Variants in SETX observed in about 807,000 individuals in gnomAD.
SETX encodes the protein helicase senataxin.
A neutral mutation model predicts 227.2 loss-of-function variants in SETX; 90 were observed. That is an observed-to-expected ratio of 0.40 (90% CI 0.33 to 0.47). The LOEUF is 0.47. SETX is among the 20% of genes least tolerant of loss of function. The pLI, the probability that SETX is intolerant of heterozygous loss-of-function variation, is 0.91. For synonymous variants in SETX, 1,210 were observed against 1,113.2 expected, an observed-to-expected ratio of 1.09 and a Z score of -1.73; for missense variants, 3,052 against 3,181.5, an observed-to-expected ratio of 0.96 and a Z score of 0.98.
chr9:132,328,646 T>C lies in SETX; in HGVS notation c.2952A>G (p.Ser984=), dbSNP rs1847014422. 3 of 1,613,318 alleles carry C rather than the reference T, an allele frequency of 1.9e-6. No homozygotes were observed. The highest frequency in any genetic ancestry group is 4.5e-5 in the East Asian group (2 of 44,870). Residue 984 remains serine (S), a synonymous_variant, in exon 10 of 26, where the codon TCA becomes TCG. Transcript: ENST00000224140. The part of the protein sequence containing the change: ...ITFPSDSPQN[S]SQLQRKVKED... ...CTTTTACTTTCCTTTGCAGCTGCGATGAGTTCTGAGGTGAATCGGATGGGA... is the reference window on the plus strand; with the variant it reads ...CTTTTACTTTCCTTTGCAGCTGCGACGAGTTCTGAGGTGAATCGGATGGGA...
chr9:132,315,593 T>G (rs1015977018), intron 10 of SETX, among the ~76,000 whole-genome samples: 1 of 152,190 alleles, frequency 6.6e-6, no homozygotes, highest in Non-Finnish European at 1.5e-5. Context: ...TTCAGCTTAG[T>G]GCCCCCTTTT....
At chr9:132,311,218 C>T (rs559419419) in intron 11 of SETX, among the ~76,000 whole-genome samples, 1 of 152,262 alleles carries the variant, frequency 6.6e-6, no homozygotes, top group East Asian at 1.9e-4. Context: ...CCGCCCGCCT[C>T]GGCCTCCCAA....
intron 10 of SETX, among the ~76,000 whole-genome samples, chr9:132,323,425 T>C (rs569638391): frequency 6.6e-6 from 1 of 152,304 alleles, no homozygotes; most frequent in South Asian, 2.1e-4. Flanking sequence ...AAGATATCTT[T>C]CACATAGTCA....
intron 5 of SETX, among the ~76,000 whole-genome samples, chr9:132,341,084 C>CGTGA (rs1471303570): frequency 1.3e-5 from 2 of 152,110 alleles, no homozygotes; most frequent in Admixed American, 1.3e-4. Context: ...TGGTGGCTCA[C>CGTGA]ACCTGTTATC....
At chr9:132,276,512 C>T (rs1485229363) in intron 22 of SETX, among the ~76,000 whole-genome samples, 1 of 152,180 alleles carries the variant, frequency 6.6e-6, no homozygotes, top group Non-Finnish European at 1.5e-5. Context: ...TGTATCCGTG[C>T]CAACAAATGC....
At chr9:132,312,429 T>TA (rs1392796578) in intron 10 of SETX, among the ~76,000 whole-genome samples, 1 of 152,218 alleles carries the variant, frequency 6.6e-6, no homozygotes, top group Non-Finnish European at 1.5e-5. Flanking sequence ...ACTACTAGTA[T>TA]AAAAAAGTCA....
At chr9:132,345,680 T>C (rs1017205709) in intron 4 of SETX, among the ~76,000 whole-genome samples, 1 of 152,216 alleles carries the variant, frequency 6.6e-6, no homozygotes, top group Non-Finnish European at 1.5e-5. Flanking sequence ...GTATATCATG[T>C]TCACTGTATA....
intron 18 of SETX, among the ~76,000 whole-genome samples, 160 bp from the exon 19 acceptor site, chr9:132,283,573 A>G (rs1843664100): frequency 6.6e-6 from 1 of 152,278 alleles, no homozygotes; most frequent in Non-Finnish European, 1.5e-5. Flanking sequence ...AGGAAACAGC[A>G]GAAACATTTA....
intron 12 of SETX, among the ~76,000 whole-genome samples, chr9:132,299,053 T>C (rs1010266786): frequency 5.9e-5 from 9 of 152,226 alleles, no homozygotes; most frequent in African/African-American, 2.2e-4. Context: ...TAATGACAGC[T>C]TGGACCAGGA....
intron 7 of SETX, among the ~76,000 whole-genome samples, chr9:132,334,137 G>C (rs1033282267): frequency 1.3e-5 from 2 of 152,092 alleles, no homozygotes; most frequent in African/African-American, 4.8e-5. Context: ...ATGAAAGGAA[G>C]GTATTGAATT....
chr9:132,343,707 T>C (rs555364473), intron 4 of SETX, among the ~76,000 whole-genome samples: 2 of 152,324 alleles, frequency 1.3e-5, no homozygotes, highest in Admixed American at 6.5e-5. Context: ...TCCTAGGATG[T>C]TGATAATGTT....
rs1554803829 is a variant in SETX, at chr9:132,271,771, G to A, written c.7138C>T (p.Arg2380Trp). The change falls in exon 24 of 26, where the codon CGG becomes TGG. Residue 2380 changes from arginine to tryptophan, a missense_variant. Physicochemically the swap from Arg to Trp is moderately radical, Grantham distance 101. Coordinates refer to ENST00000224140, the MANE Select transcript of SETX (RefSeq NM_015046.7). ...GTAACAATAACACAATCCTTCTGCCGACCCTGGAATGCATCCACAGTGTCT... is the reference window on the plus strand; with the variant it reads ...GTAACAATAACACAATCCTTCTGCCAACCCTGGAATGCATCCACAGTGTCT... ...EVDTVDAFQG[R>W]QKDCVIVTCV... 3.1e-6 allele frequency: 5 copies of A among 1,614,016 alleles called. No individual in the cohort carries two copies. The highest frequency in any genetic ancestry group is 1.1e-5 in the South Asian group (1 of 91,082).
chr9:132,275,177 T>A lies in SETX; in HGVS notation c.7100+79A>T, dbSNP rs1308975108. 7 of 1,486,998 alleles carry A rather than the reference T, an allele frequency of 4.7e-6. No homozygotes were observed. The East Asian group carries it at 1.6e-4, about 34-fold the overall frequency. The allele number at this position is 1,486,998 out of a possible 1,614,324, so 92.1% of individuals were successfully genotyped here. On this transcript the variant is annotated intron_variant, in intron 23 of 25. Coordinates refer to ENST00000224140, the MANE Select transcript of SETX (RefSeq NM_015046.7). ...TTTGCACAGACCACTCCTTAAGAGT[T>A]TCCCTTTTCTTCTTTCCTTCTATAT...
At chr9:132,334,357 G>C (rs182795645) in intron 7 of SETX, among the ~76,000 whole-genome samples, 128 of 152,178 alleles carry the variant, frequency 8.4e-4, no homozygotes, top group Non-Finnish European at 1.5e-3. Context: ...CTGAGACAGG[G>C]GAATTTCTTG....
chr9:132,261,772 G>A lies in SETX; in HGVS notation c.*2467C>T, dbSNP rs1371911953. 1 of 154,662 alleles carries A rather than the reference G, an allele frequency of 6.5e-6. No homozygotes were observed. The highest frequency in any genetic ancestry group is 1.9e-4 in the East Asian group (1 of 5,194). 9.6% of individuals were successfully genotyped at this position (154,662 alleles called of 1,614,324 possible). ...AACAAACTGTGCACAATAAATCCAA[G>A]GCAAATTATATACAAAGAAACAAAA... is the stretch of plus-strand genomic sequence containing the variant. On this transcript the variant is annotated 3_prime_UTR_variant, in exon 26 of 26. Transcript: ENST00000224140.
chr9:132,332,874 T>C (rs1288288996), intron 7 of SETX, among the ~76,000 whole-genome samples: 3 of 145,558 alleles, frequency 2.1e-5, no homozygotes, highest in East Asian at 2.0e-4. Flanking sequence ...TGAGACCTGA[T>C]TGAGCCACTC....
chr9:132,349,026 C>G (rs537005438), intron 3 of SETX, among the ~76,000 whole-genome samples: 2 of 151,688 alleles, frequency 1.3e-5, no homozygotes, highest in South Asian at 2.1e-4. Context: ...AGAATATACT[C>G]GAATGTGTAA....
chr9:132,344,902 T>C (rs373845362), intron 4 of SETX, among the ~76,000 whole-genome samples: 1 of 151,006 alleles, frequency 6.6e-6, no homozygotes, highest in Admixed American at 6.6e-5. Context: ...ATTGTTAGAT[T>C]TGATAGGTTA....
Position 132,328,106 on chromosome 9 carries a change from T to A in SETX, c.3492A>T (p.Arg1164=). Residue 1164 remains arginine, a synonymous_variant, in exon 10 of 26, where the codon CGA becomes CGT. Transcript: ENST00000224140. The part of the protein sequence containing the change: ...EIEVKKPKRK[R]SEKPMAEDPV... ...GATCTTCAGCCATTGGTTTTTCAGATCGTTTTCTCTTAGGCTTTTTTACTT... is the reference window on the plus strand; with the variant it reads ...GATCTTCAGCCATTGGTTTTTCAGAACGTTTTCTCTTAGGCTTTTTTACTT... The A allele has an allele frequency of 4.3e-6, 7 of 1,613,998 alleles. No homozygotes were observed. Among genetic ancestry groups the A allele is most frequent in the Non-Finnish European group, 5.9e-6 (7 of 1,179,982 alleles).
Sources: allele counts gnomAD v4.1 joint callset (sites outside exome capture counted in the v4.1 genomes callset), GRCh38; gene constraint gnomAD v4.1.1; transcripts MANE v1.5; gene names NCBI Gene and HGNC (gene_info 2026-07-23, HGNC 2026-07-21).